The following AMMECR1 variants were observed in gnomAD, a reference collection of about 807,000 sequenced individuals.
The protein encoded by AMMECR1 is AMMECR nuclear protein 1.
AMMECR1 carries 3 observed loss-of-function variants against 22.5 expected under a neutral mutation model. That is an observed-to-expected ratio of 0.13 (90% CI 0.06 to 0.35). The LOEUF (loss-of-function observed/expected upper bound fraction) is 0.35. AMMECR1 is among the 10% of genes least tolerant of loss of function. The probability of loss-of-function intolerance (pLI) is 1.00; values close to 1 mark genes in which losing one functional copy is unlikely to be tolerated. For synonymous variants in AMMECR1, 130 were observed against 116.7 expected, an observed-to-expected ratio of 1.11 and a Z score of -0.74; for missense variants, 235 against 278.7, an observed-to-expected ratio of 0.84 and a Z score of 1.12.
At chrX:110,377,596 G>T (rs2068386054) in intron 2 of AMMECR1, among the ~76,000 whole-genome samples, 1 of 111,970 alleles carries the variant, frequency 8.9e-6, no homozygotes, top group South Asian at 3.8e-4. Context: ...ACTCAGGACT[G>T]GTGGAACATT....
intron 1 of AMMECR1, among the ~76,000 whole-genome samples, chrX:110,277,980 T>C (rs2067834640): frequency 8.9e-6 from 1 of 112,198 alleles, no homozygotes; most frequent in South Asian, 3.7e-4. Context: ...ATGCATTATG[T>C]CTAATGTATG....
At chrX:110,311,009 C>T (rs911207794) in intron 1 of AMMECR1, among the ~76,000 whole-genome samples, 3 of 112,020 alleles carry the variant, frequency 2.7e-5, no homozygotes, top group African/African-American at 6.5e-5. Context: ...GGATTCTCAA[C>T]ACAAAGGCCA....
chrX:110,198,698 G>A, intron 5 of AMMECR1, 64 bp from the exon 6 acceptor site: 2 of 774,944 alleles, frequency 2.6e-6, no homozygotes, highest in Non-Finnish European at 3.9e-6. Flanking sequence ...CATTGTCACT[G>A]CTAGGAAGGA....
upstream of AMMECR1, chrX:110,318,089 C>G (rs768689092): frequency 2.6e-6 from 3 of 1,167,072 alleles, no homozygotes; most frequent in Non-Finnish European, 3.4e-6. Flanking sequence ...CAGTCTCCCC[C>G]ACGCAGCGTT....
chrX:110,324,588 G>T (rs906321446), intron 2 of AMMECR1, among the ~76,000 whole-genome samples: 1 of 108,662 alleles, frequency 9.2e-6, no homozygotes, highest in African/African-American at 3.3e-5. Flanking sequence ...TGTTAGCTGT[G>T]AGTTTTTAAT....
chrX:110,221,506 G>A (rs1253394706), intron 2 of AMMECR1, among the ~76,000 whole-genome samples: 1 of 111,904 alleles, frequency 8.9e-6, no homozygotes, highest in Non-Finnish European at 1.9e-5. Context: ...AGGAGGAAAG[G>A]TGCCTTATTT....
At position 110,355,212 on chromosome X, in the gene AMMECR1, A is replaced by G. The variant is rs2068225624; in HGVS notation, c.-147-37363T>C. Reference sequence around the variant, plus strand: ...CAGGAGTTCAAGACCAGCTTGGGCAATGAAGCAAGACCCCTGTCTCTACAC... The same window carrying G: ...CAGGAGTTCAAGACCAGCTTGGGCAGTGAAGCAAGACCCCTGTCTCTACAC... On this transcript the variant is annotated intron_variant, in intron 2 of 7. Transcript: ENST00000372057. 2.7e-5 allele frequency among the ~76,000 whole-genome samples: 3 copies of G among 111,861 alleles called. No individual in the cohort carries two copies. In the South Asian group the frequency reaches 1.1e-3, roughly 42 times the overall value.
At chrX:110,304,994 C>T (rs988730092) in intron 1 of AMMECR1, among the ~76,000 whole-genome samples, 1 of 112,511 alleles carries the variant, frequency 8.9e-6, no homozygotes, top group Non-Finnish European at 1.9e-5. Context: ...ATTAGTCTAC[C>T]CAAACAATGA....
Position 110,364,026 on chromosome X carries a change from A to G in AMMECR1, c.-147-46177T>C, listed in dbSNP as rs927140739. ...AACTTGGTGGCTTAAAACAGCAGATATTTATACTTTCACAGTTCTGGAGGC... is the reference window on the plus strand; with the variant it reads ...AACTTGGTGGCTTAAAACAGCAGATGTTTATACTTTCACAGTTCTGGAGGC... On this transcript the variant is annotated intron_variant, in intron 2 of 7. Coordinates refer to the AMMECR1 transcript ENST00000372057. Among the ~76,000 whole-genome samples, 7 of 111,792 alleles carry G rather than the reference A, an allele frequency of 6.3e-5. No individual in the cohort carries two copies. The Admixed American group carries it at 6.7e-4, about 11-fold the overall frequency.
At chrX:110,251,199 G>A (rs970376882) in intron 2 of AMMECR1, among the ~76,000 whole-genome samples, 3 of 112,159 alleles carry the variant, frequency 2.7e-5, no homozygotes, top group South Asian at 3.7e-4. Flanking sequence ...ACTGTGGAGC[G>A]CAATTTCAAA....
intron 2 of AMMECR1, among the ~76,000 whole-genome samples, chrX:110,253,066 G>A (rs777951899): frequency 8.9e-5 from 10 of 111,960 alleles, no homozygotes; most frequent in Non-Finnish European, 1.9e-4. Flanking sequence ...AGCCCCTGGC[G>A]GGGACCATGC....
intron 2 of AMMECR1, among the ~76,000 whole-genome samples, chrX:110,394,954 T>G (rs1276934586): frequency 8.9e-6 from 1 of 112,910 alleles, no homozygotes; most frequent in Non-Finnish European, 1.9e-5. Flanking sequence ...CCTAGGCTTA[T>G]ACTCCCAGAT....
rs368543078 is a variant in AMMECR1, at chrX:110,374,363, T to A, written c.-148+52295A>T. The stretch of plus-strand genomic sequence containing the variant: ...AAAAAATGAATATGTTTTAAATGCA[T>A]GAGTGAGTGAATTAATGAGTCTAGT... On this transcript the variant is annotated intron_variant, in intron 2 of 7. Transcript: ENST00000372057. 1.3e-4 allele frequency among the ~76,000 whole-genome samples: 15 copies of A among 112,303 alleles called. No homozygotes were observed. The East Asian group carries it at 3.9e-3, about 29-fold the overall frequency.
At chrX:110,339,973 T>TACACACACACACACAC (rs35459612) in intron 2 of AMMECR1, among the ~76,000 whole-genome samples, 1 of 78,789 alleles carries the variant, frequency 1.3e-5, no homozygotes, top group African/African-American at 5.0e-5. Flanking sequence ...AGGCAAAACA[T>TACACACACACACACAC]ACACACACAC....
chrX:110,439,505 C>T (rs908658014), intron 1 of AMMECR1, among the ~76,000 whole-genome samples: 1 of 112,002 alleles, frequency 8.9e-6, no homozygotes, highest in Non-Finnish European at 1.9e-5. Context: ...ATGGAGAAGC[C>T]AGCAGGGGCT....
intron 1 of AMMECR1, among the ~76,000 whole-genome samples, chrX:110,288,384 T>C (rs1206207263): frequency 8.9e-6 from 1 of 111,931 alleles, no homozygotes; most frequent in East Asian, 2.8e-4. Flanking sequence ...AGCAGGTATG[T>C]AAAACATCCA....
At chrX:110,345,444 T>C (rs1183476584) in intron 2 of AMMECR1, among the ~76,000 whole-genome samples, 1 of 110,241 alleles carries the variant, frequency 9.1e-6, no homozygotes, top group Non-Finnish European at 1.9e-5. Context: ...TGTATACATA[T>C]GTAACAAACC....
At chrX:110,282,855 G>T (rs972462315) in intron 1 of AMMECR1, among the ~76,000 whole-genome samples, 3 of 111,083 alleles carry the variant, frequency 2.7e-5, no homozygotes, top group African/African-American at 9.8e-5. Flanking sequence ...GTACTATTAG[G>T]TGCTTTCATA....
intron 1 of AMMECR1, among the ~76,000 whole-genome samples, chrX:110,438,682 AT>A (rs982218776): frequency 8.3e-5 from 9 of 107,837 alleles, no homozygotes; most frequent in Non-Finnish European, 1.4e-4. Flanking sequence ...TCCTGTCTTG[AT>A]TTTTTTTTTA....
Sources: gnomAD v4.1 joint callset for allele counts (sites outside exome capture counted in the v4.1 genomes callset) on GRCh38, gnomAD v4.1.1 for gene constraint, MANE v1.5 for transcripts, NCBI Gene and HGNC (gene_info 2026-07-23, HGNC 2026-07-21) for gene names.